Variants in CDH18 observed in about 807,000 individuals in gnomAD.
The protein encoded by CDH18 is cadherin-18.
A neutral mutation model predicts 67.9 loss-of-function variants in CDH18; 31 were observed. The observed-to-expected ratio is 0.46, with a 90% confidence interval of 0.34 to 0.62. The LOEUF is 0.62. CDH18 is among the 20% of genes least tolerant of loss of function. CDH18 has a pLI of 0.01. For missense variants in CDH18, 890 were observed against 975.5 expected (o/e 0.91, Z 1.17); for synonymous variants, 362 against 347.2 (o/e 1.04, Z -0.48).
intron 2 of CDH18, among the ~76,000 whole-genome samples, chr5:19,863,937 A>G (rs1469095101): frequency 1.3e-5 from 2 of 152,028 alleles, no homozygotes; most frequent in African/African-American, 2.4e-5. Context: ...GTGGGACTGT[A>G]AACTAGTTCA....
At chr5:19,954,147 T>G (rs1796045925) in intron 2 of CDH18, among the ~76,000 whole-genome samples, 1 of 152,102 alleles carries the variant, frequency 6.6e-6, no homozygotes, top group African/African-American at 2.4e-5. Context: ...ACTTGGATCA[T>G]CTGGGATTAT....
At chr5:19,832,861 G>T (rs1261937528) in intron 3 of CDH18, among the ~76,000 whole-genome samples, 1 of 151,900 alleles carries the variant, frequency 6.6e-6, no homozygotes, top group Non-Finnish European at 1.5e-5. Context: ...TATTTCTGAG[G>T]TCTCTGTTCT....
At chr5:20,080,642 A>G (rs1744387308) in intron 2 of CDH18, among the ~76,000 whole-genome samples, 1 of 152,198 alleles carries the variant, frequency 6.6e-6, no homozygotes, top group Non-Finnish European at 1.5e-5. Flanking sequence ...TATTCAGTGT[A>G]TCTGAGATTT....
intron 11 of CDH18, among the ~76,000 whole-genome samples, chr5:19,501,866 G>C (rs1341721810): frequency 1.3e-5 from 2 of 152,042 alleles, no homozygotes; most frequent in Non-Finnish European, 2.9e-5. Context: ...AAGTATATTT[G>C]AATTATAAGA....
intron 5 of CDH18, among the ~76,000 whole-genome samples, chr5:19,681,794 C>T (rs1483073892): frequency 6.6e-6 from 1 of 151,808 alleles, no homozygotes; most frequent in Non-Finnish European, 1.5e-5. Context: ...GAATATTCAC[C>T]TTTACCTCAA....
intron 2 of CDH18, among the ~76,000 whole-genome samples, chr5:20,153,781 G>T (rs1163680716): frequency 6.6e-6 from 1 of 151,888 alleles, no homozygotes. Context: ...CTTCTTATAG[G>T]GACACCAGTT....
chr5:20,194,458 T>A (rs1303606912), intron 2 of CDH18, among the ~76,000 whole-genome samples: 2 of 152,144 alleles, frequency 1.3e-5, no homozygotes, highest in East Asian at 3.9e-4. Flanking sequence ...ACAACATTCA[T>A]GTTTATATAT....
chr5:19,641,169 T>C (rs1334566760), intron 5 of CDH18, among the ~76,000 whole-genome samples: 3 of 145,868 alleles, frequency 2.1e-5, no homozygotes, highest in Non-Finnish European at 4.5e-5. Context: ...CCAGAATTGA[T>C]CAATAACAAA....
chr5:20,059,935 T>C (rs1580147709), intron 2 of CDH18, among the ~76,000 whole-genome samples: 1 of 131,612 alleles, frequency 7.6e-6, no homozygotes, highest in Non-Finnish European at 1.5e-5. Flanking sequence ...TGAGAACACA[T>C]GGACACAGGG....
chr5:19,650,669 A>G (rs1021016197), intron 5 of CDH18, among the ~76,000 whole-genome samples: 11 of 152,044 alleles, frequency 7.2e-5, no homozygotes, highest in Non-Finnish European at 4.4e-5. Flanking sequence ...ACCATATACC[A>G]TACTGCCATG....
chr5:19,950,766 G>T (rs1350696873), intron 2 of CDH18, among the ~76,000 whole-genome samples: 1 of 152,036 alleles, frequency 6.6e-6, no homozygotes, highest in Non-Finnish European at 1.5e-5. Context: ...ACAAATATTT[G>T]ACATGTAATG....
At chr5:19,634,070 A>T (rs905293861) in intron 5 of CDH18, among the ~76,000 whole-genome samples, 1 of 152,202 alleles carries the variant, frequency 6.6e-6, no homozygotes, top group African/African-American at 2.4e-5. Flanking sequence ...CTAGTGATCA[A>T]ATTCAAGAGA....
At chr5:20,322,364 A>G (rs1373160060) in intron 1 of CDH18, among the ~76,000 whole-genome samples, 1 of 152,118 alleles carries the variant, frequency 6.6e-6, no homozygotes, top group Non-Finnish European at 1.5e-5. Context: ...GATCCCAGAA[A>G]ATAGACATAA....
intron 1 of CDH18, among the ~76,000 whole-genome samples, chr5:20,468,729 A>G (rs1046508222): frequency 5.9e-5 from 9 of 152,228 alleles, no homozygotes; most frequent in Non-Finnish European, 7.3e-5. Context: ...TCAAAGTTAG[A>G]TGAGTCATAT....
At chr5:20,308,250 C>T (rs1413678073) in intron 1 of CDH18, among the ~76,000 whole-genome samples, 1 of 151,820 alleles carries the variant, frequency 6.6e-6, no homozygotes, top group East Asian at 1.9e-4. Context: ...AACACTTGAT[C>T]GTAGCCAAAA....
intron 1 of CDH18, among the ~76,000 whole-genome samples, chr5:20,347,021 G>A (rs1454028057): frequency 2.0e-5 from 3 of 152,074 alleles, no homozygotes; most frequent in Non-Finnish European, 4.4e-5. Context: ...AGGAGAGGTT[G>A]AATTTGGAGC....
At chr5:20,027,471 C>G (rs1387472957) in intron 2 of CDH18, among the ~76,000 whole-genome samples, 1 of 152,160 alleles carries the variant, frequency 6.6e-6, no homozygotes, top group Non-Finnish European at 1.5e-5. Flanking sequence ...AGTGATTCAG[C>G]TTTTACTGAG....
rs1403723883 is a variant in CDH18 at position 19,564,785 on chromosome 5, C to T, written c.1253+6794G>A. 5.9e-5 allele frequency among the ~76,000 whole-genome samples: 9 copies of T among 152,174 alleles called. 1 individual carries two copies. In the East Asian group the frequency reaches 1.6e-3, roughly 26 times the overall value. The stretch of plus-strand genomic sequence containing the variant: ...GGGTCCCTGATTCCAGGCGTTGGCT[C>T]AGAGGAGAGAAGTTCTAAACCTGCC... On this transcript the variant is annotated intron_variant, in intron 8 of 12. Transcript: ENST00000382275.
chr5:20,138,754 C>G (rs559661647), intron 2 of CDH18, among the ~76,000 whole-genome samples: 1 of 152,068 alleles, frequency 6.6e-6, no homozygotes, highest in Non-Finnish European at 1.5e-5. Flanking sequence ...ATCCAACTTA[C>G]GAGGGATGTG....
Sources: gnomAD v4.1 joint callset for allele counts (sites outside exome capture counted in the v4.1 genomes callset) on GRCh38, gnomAD v4.1.1 for gene constraint, MANE v1.5 for transcripts, NCBI Gene and HGNC (gene_info 2026-07-23, HGNC 2026-07-21) for gene names.